Variants in ABCA13 observed in about 807,000 individuals in gnomAD.
The protein encoded by ABCA13 is ATP binding cassette subfamily A member 13, also known as ATP-binding cassette sub-family A member 13.
A neutral mutation model predicts 478.7 loss-of-function variants in ABCA13; 476 were observed. The observed-to-expected ratio is 0.99, with a 90% confidence interval of 0.92 to 1.07. ABCA13 has a LOEUF of 1.07. Ranked by LOEUF, ABCA13 falls within the 50% of genes least tolerant of loss-of-function variation. The pLI is 0.00. For synonymous variants in ABCA13, 2,252 were observed against 2,158.9 expected (o/e 1.04, Z -1.20); for missense variants, 6,060 against 5,910.6 (o/e 1.03, Z -0.83).
At chr7:48,240,586 G>C (rs1790680181) in intron 9 of ABCA13, among the ~76,000 whole-genome samples, 2 of 152,198 alleles carry the variant, frequency 1.3e-5, no homozygotes, top group Middle Eastern at 3.4e-3. Context: ...CATTTGTTTA[G>C]AGGTGTATGT....
chr7:48,587,806 A>G (rs544865526), intron 57 of ABCA13, among the ~76,000 whole-genome samples: 1 of 152,348 alleles, frequency 6.6e-6, no homozygotes, highest in Admixed American at 6.5e-5. Context: ...TGGGAACTGC[A>G]GTTAATTTGA....
chr7:48,519,932 G>A, intron 52 of ABCA13, 109 bp from the exon 53 acceptor site: 24 of 1,140,494 alleles, frequency 2.1e-5, no homozygotes, highest in Non-Finnish European at 2.8e-5. Context: ...TTGGGATAGG[G>A]AAGACCTGGA....
chr7:48,367,815 CT>C lies in ABCA13; in HGVS notation c.10716del (p.Pro3573HisfsTer2). ...SDLFLNNVGF[F>X]FPLIMMLTWM... ...ACAGATTCCTGAACAACGTTGGTTT[CT>C]TTTTTCCACTGATAATGATGCTGAC... is the stretch of plus-strand genomic sequence containing the variant. On this transcript the variant is annotated frameshift_variant, in exon 32 of 62. Coordinates refer to ENST00000435803, the MANE Select transcript of ABCA13 (RefSeq NM_152701.5). LOFTEE classifies it high-confidence loss of function. 1 of 1,569,516 alleles carries C rather than the reference CT, an allele frequency of 6.4e-7. No individual in the cohort carries two copies. The highest frequency in any genetic ancestry group is 8.7e-7 in the Non-Finnish European group (1 of 1,155,882).
chr7:48,252,905 T>A (rs1429562458), intron 15 of ABCA13, among the ~76,000 whole-genome samples: 3 of 152,214 alleles, frequency 2.0e-5, no homozygotes, highest in African/African-American at 7.2e-5. Flanking sequence ...ATTTGGACAC[T>A]TGAAAAAAAT....
intron 47 of ABCA13, among the ~76,000 whole-genome samples, chr7:48,488,820 A>G (rs1484798952): frequency 6.6e-6 from 1 of 152,126 alleles, no homozygotes; most frequent in Admixed American, 6.5e-5. Context: ...TTATTTTGAG[A>G]AATAATGTTC....
chr7:48,313,345 C>T (rs1802056546), intron 25 of ABCA13, 114 bp downstream of exon 25: 1 of 1,076,550 alleles, frequency 9.3e-7, no homozygotes, highest in African/African-American at 1.6e-5. Context: ...CAGCAAAATA[C>T]AGGAATGAAA....
chr7:48,528,737 GT>G lies in ABCA13; in HGVS notation c.14354+395del, dbSNP rs559561855. Among the ~76,000 whole-genome samples, 5 of 152,190 alleles carry G rather than the reference GT, an allele frequency of 3.3e-5. No individual in the cohort carries two copies. In the South Asian group the frequency reaches 1.0e-3, roughly 32 times the overall value. ...TCCCATCAGCCTAAGTGGCCAGATG[GT>G]TTCCCTCTTTTTACCACCCAGACTT... On this transcript the variant is annotated intron_variant, in intron 55 of 61. Transcript: ENST00000435803.
At chr7:48,576,695 C>T (rs1788222408) in intron 55 of ABCA13, among the ~76,000 whole-genome samples, 1 of 152,080 alleles carries the variant, frequency 6.6e-6, no homozygotes, top group Non-Finnish European at 1.5e-5. Flanking sequence ...GCCTCAGACT[C>T]TATTTAAGAT....
intron 31 of ABCA13, among the ~76,000 whole-genome samples, chr7:48,357,012 AC>A (rs1010678815): frequency 2.0e-5 from 3 of 151,738 alleles, no homozygotes; most frequent in African/African-American, 7.3e-5. Flanking sequence ...AATTCCCACC[AC>A]CCTGGGGTGG....
At chr7:48,565,578 A>T (rs953324911) in intron 55 of ABCA13, among the ~76,000 whole-genome samples, 2 of 152,068 alleles carry the variant, frequency 1.3e-5, no homozygotes, top group Admixed American at 1.3e-4. Context: ...TTCAAAGAAG[A>T]TAAGGCCGGG....
intron 27 of ABCA13, among the ~76,000 whole-genome samples, chr7:48,333,670 T>C (rs1437694641): frequency 6.6e-6 from 1 of 152,166 alleles, no homozygotes. Flanking sequence ...TAATTTTGGT[T>C]TATCTGATGC....
rs1261330882 is a variant in ABCA13 at position 48,193,558 on chromosome 7, G to T, written c.163+506G>T. 2.7e-5 allele frequency among the ~76,000 whole-genome samples: 4 copies of T among 147,932 alleles called. No homozygotes were observed. The East Asian group carries it at 8.3e-4, about 31-fold the overall frequency. On this transcript the variant is annotated intron_variant, in intron 2 of 61. Transcript: ENST00000435803. ...AATGGTGCAAGAGATAATGATAGTG[G>T]TGATTGTGATGACAGAGATGATAGT...
At chr7:48,599,146 T>C (rs1351360109) in intron 58 of ABCA13, among the ~76,000 whole-genome samples, 3 of 152,046 alleles carry the variant, frequency 2.0e-5, no homozygotes, top group African/African-American at 7.2e-5. Context: ...ATAAAATTTT[T>C]CATTATCTTG....
At chr7:48,397,747 T>A (rs1817037882) in intron 38 of ABCA13, among the ~76,000 whole-genome samples, 1 of 152,188 alleles carries the variant, frequency 6.6e-6, no homozygotes, top group Non-Finnish European at 1.5e-5. Flanking sequence ...AATGCATGTG[T>A]GGAAAAAGCC....
chr7:48,369,183 T>C (rs1476034193), intron 32 of ABCA13, among the ~76,000 whole-genome samples: 1 of 152,238 alleles, frequency 6.6e-6, no homozygotes, highest in African/African-American at 2.4e-5. Flanking sequence ...CATATGTTTG[T>C]TGACCATTTG....
intron 42 of ABCA13, among the ~76,000 whole-genome samples, chr7:48,433,766 A>G (rs920648394): frequency 6.6e-6 from 1 of 151,804 alleles, no homozygotes; most frequent in Admixed American, 6.6e-5. Context: ...ATGGTATCAT[A>G]CAGTATTTGC....
intron 15 of ABCA13, among the ~76,000 whole-genome samples, chr7:48,251,756 T>G (rs1376778061): frequency 1.3e-5 from 2 of 152,116 alleles, no homozygotes; most frequent in Non-Finnish European, 2.9e-5. Flanking sequence ...TTCTTGTTCT[T>G]GACTTTCAGA....
At chr7:48,610,344 C>G (rs1791905774) in intron 58 of ABCA13, among the ~76,000 whole-genome samples, 1 of 152,180 alleles carries the variant, frequency 6.6e-6, no homozygotes, top group Non-Finnish European at 1.5e-5. Context: ...CACACTGAAG[C>G]AAGGGGTAGA....
At chr7:48,318,390 C>A (rs1802892480) in intron 27 of ABCA13, among the ~76,000 whole-genome samples, 1 of 151,906 alleles carries the variant, frequency 6.6e-6, no homozygotes, top group Non-Finnish European at 1.5e-5. Flanking sequence ...GCTCTGTCAC[C>A]CAGGCTGGAG....
Sources: gnomAD v4.1 joint callset for allele counts (sites outside exome capture counted in the v4.1 genomes callset) on GRCh38, gnomAD v4.1.1 for gene constraint, MANE v1.5 for transcripts, NCBI Gene and HGNC (gene_info 2026-07-23, HGNC 2026-07-21) for gene names.